PARD3B: variants seen among roughly 807,000 people sequenced by gnomAD.
PARD3B encodes the protein partitioning defective 3 homolog B.
Under a neutral mutation model 130.2 loss-of-function variants are expected in PARD3B, and 103 were observed. That is an observed-to-expected ratio of 0.79 (90% CI 0.67 to 0.93). The LOEUF (loss-of-function observed/expected upper bound fraction) is 0.93, where lower values mean the gene tolerates loss of function less well. Among genes scored for constraint, PARD3B ranks in the 40% least tolerant of loss-of-function variants. The pLI is 0.00. For missense variants in PARD3B, 1,609 were observed against 1,499.2 expected, an observed-to-expected ratio of 1.07 and a Z score of -1.21; for synonymous variants, 583 against 553.2, an observed-to-expected ratio of 1.05 and a Z score of -0.76.
chr2:205,188,888 G>GA (rs1248175118), intron 14 of PARD3B, among the ~76,000 whole-genome samples: 1 of 151,224 alleles, frequency 6.6e-6, no homozygotes, highest in Non-Finnish European at 1.5e-5. Context: ...CGTGAGGAAA[G>GA]AAAAACAAAT....
At chr2:205,093,019 T>C (rs1332601999) in intron 4 of PARD3B, among the ~76,000 whole-genome samples, 2 of 152,154 alleles carry the variant, frequency 1.3e-5, no homozygotes, top group African/African-American at 4.8e-5. Context: ...TAAATAAAGA[T>C]TAGCTTTCAA....
chr2:205,087,822 CA>C (rs34623210), intron 4 of PARD3B, among the ~76,000 whole-genome samples: 18,455 of 152,046 alleles, frequency 0.12, 1,511 homozygotes, highest in Middle Eastern at 0.19. Flanking sequence ...ACAGCTCTAC[CA>C]GGCTTGAAGT....
At chr2:204,703,248 G>A (rs1004912871) in intron 2 of PARD3B, among the ~76,000 whole-genome samples, 1 of 152,136 alleles carries the variant, frequency 6.6e-6, no homozygotes, top group African/African-American at 2.4e-5. Flanking sequence ...ACCATGCTTA[G>A]ACACAAAATT....
At position 205,253,517 on chromosome 2, in the gene PARD3B, A is replaced by T; in HGVS notation, c.2185+7695A>T. The T allele has an allele frequency of 1.8e-6, 1 of 548,222 alleles. No homozygotes were observed. 34.0% of individuals were successfully genotyped at this position (548,222 alleles called of 1,614,324 possible). A position where few individuals can be genotyped will look rare whatever the true frequency, so the allele number is the denominator to read the frequency against. On this transcript the variant is annotated intron_variant, in intron 16 of 22. Coordinates refer to ENST00000406610, the MANE Select transcript of PARD3B (RefSeq NM_001302769.2). The surrounding 1 kb of genome is among the most constrained non-coding windows in gnomAD (Gnocchi z 4.4). ...CTGGAAGTACCTGGGGAAGCAGGAG[A>T]GACTCACACTGCTGTCATGGCCCCA...
chr2:205,197,858 G>A (rs1317510200), intron 15 of PARD3B, among the ~76,000 whole-genome samples: 1 of 152,144 alleles, frequency 6.6e-6, no homozygotes, highest in Non-Finnish European at 1.5e-5. Context: ...GCTTGTGTGG[G>A]TGTTGAGTTG....
chr2:205,484,629 C>T (rs1333990706), intron 20 of PARD3B, among the ~76,000 whole-genome samples: 1 of 152,054 alleles, frequency 6.6e-6, no homozygotes, highest in Non-Finnish European at 1.5e-5. Context: ...AAGACTGTTG[C>T]TAATAAAGCT....
chr2:204,699,346 A>G (rs1395055101), intron 2 of PARD3B, among the ~76,000 whole-genome samples: 3 of 152,170 alleles, frequency 2.0e-5, no homozygotes, highest in African/African-American at 4.8e-5. Context: ...TCCAAGCAAT[A>G]TAAAGACAGT....
At chr2:204,993,823 G>A (rs1693920708) in intron 3 of PARD3B, among the ~76,000 whole-genome samples, 1 of 150,612 alleles carries the variant, frequency 6.6e-6, no homozygotes, top group Non-Finnish European at 1.5e-5. Context: ...TGTATGTGTC[G>A]AGGAATGTAT....
intron 2 of PARD3B, among the ~76,000 whole-genome samples, chr2:204,824,574 A>T (rs966559417): frequency 6.6e-6 from 1 of 152,182 alleles, no homozygotes; most frequent in African/African-American, 2.4e-5. Flanking sequence ...TAGAGCTGCC[A>T]GAACTTCTCC....
At chr2:205,606,243 A>G (rs2054992975) in intron 22 of PARD3B, among the ~76,000 whole-genome samples, 1 of 152,094 alleles carries the variant, frequency 6.6e-6, no homozygotes, top group Non-Finnish European at 1.5e-5. Flanking sequence ...CTCTGATGGC[A>G]TGGGCTCACG....
At chr2:205,487,455 C>A (rs1394145133) in intron 20 of PARD3B, among the ~76,000 whole-genome samples, 4 of 36,846 alleles carry the variant, frequency 1.1e-4, no homozygotes, top group Non-Finnish European at 5.3e-4. Flanking sequence ...TGACATAATC[C>A]TCTAAATTAA....
At chr2:204,720,867 C>G (rs545779006) in intron 2 of PARD3B, among the ~76,000 whole-genome samples, 5 of 152,104 alleles carry the variant, frequency 3.3e-5, no homozygotes, top group Admixed American at 2.6e-4. Context: ...AAGCATCTTG[C>G]GCTCAGATGT....
At chr2:205,257,231 A>G (rs1010389626) in intron 16 of PARD3B, among the ~76,000 whole-genome samples, 7 of 152,186 alleles carry the variant, frequency 4.6e-5, no homozygotes, top group Non-Finnish European at 8.8e-5. Flanking sequence ...TAGAAACCGC[A>G]TACCCCTACG....
At chr2:205,417,253 A>G (rs1212300389) in intron 19 of PARD3B, among the ~76,000 whole-genome samples, 3 of 152,110 alleles carry the variant, frequency 2.0e-5, no homozygotes, top group South Asian at 2.1e-4. Context: ...TGTAAAGGAC[A>G]TGAACTCACC....
In PARD3B at chr2:205,170,056, G is replaced by A. The variant is rs777808973; in HGVS notation, c.1621-2155G>A. 1.7e-4 allele frequency among the ~76,000 whole-genome samples: 26 copies of A among 150,722 alleles called. 1 individual carries two copies. Among genetic ancestry groups the A allele is most frequent in the Non-Finnish European group, 3.2e-4 (22 of 67,766 alleles). ...AGCGATTCTCCTGCCTCAGCCTCCC[G>A]AGTAGCTGGGATTACAGGCATGCAC... On this transcript the variant is annotated intron_variant, in intron 11 of 22. Coordinates refer to ENST00000406610, the MANE Select transcript of PARD3B (RefSeq NM_001302769.2).
intron 4 of PARD3B, among the ~76,000 whole-genome samples, chr2:205,080,353 T>C (rs1701327815): frequency 6.6e-6 from 1 of 152,160 alleles, no homozygotes; most frequent in Non-Finnish European, 1.5e-5. Context: ...ATTTTCACTT[T>C]AATGGTTATC....
Position 205,440,815 on chromosome 2 carries a change from C to T in PARD3B, c.3044+143C>T. 1.2e-6 allele frequency: 1 copy of T among 836,264 alleles called. No homozygotes were observed. Among genetic ancestry groups the T allele is most frequent in the East Asian group, 2.7e-5 (1 of 37,442 alleles). 51.8% of individuals were successfully genotyped at this position (836,264 alleles called of 1,614,324 possible). On this transcript the variant is annotated intron_variant, in intron 20 of 22. Coordinates refer to ENST00000406610, the MANE Select transcript of PARD3B (RefSeq NM_001302769.2). The surrounding 1 kb of genome is among the most constrained non-coding windows in gnomAD (Gnocchi z 4.2). The stretch of plus-strand genomic sequence containing the variant: ...ACCCTAGACAAGTGCCATCCTTTGA[C>T]CGACCTGTAAGATATCCACCATCAA...
At chr2:204,645,604 G>C (rs2035244221) in intron 1 of PARD3B, among the ~76,000 whole-genome samples, 1 of 152,066 alleles carries the variant, frequency 6.6e-6, no homozygotes, top group Non-Finnish European at 1.5e-5. Flanking sequence ...TCAGTTAGCT[G>C]TCAAGTTGTG....
chr2:204,752,997 A>G (rs1213180242), intron 2 of PARD3B, among the ~76,000 whole-genome samples: 2 of 152,222 alleles, frequency 1.3e-5, no homozygotes, highest in Non-Finnish European at 2.9e-5. Flanking sequence ...ATAAATTCAG[A>G]AAATGACATC....
Sources: gnomAD v4.1 joint callset for allele counts (sites outside exome capture counted in the v4.1 genomes callset) on GRCh38, gnomAD v4.1.1 for gene constraint, Gnocchi (gnomAD v3.1) non-coding constraint, MANE v1.5 for transcripts, NCBI Gene and HGNC (gene_info 2026-07-23, HGNC 2026-07-21) for gene names.